The following MYO5A variants were observed in gnomAD, a reference collection of about 807,000 sequenced individuals.
MYO5A encodes the protein unconventional myosin-Va.
A neutral mutation model predicts 249.7 loss-of-function variants in MYO5A; 98 were observed. That is an observed-to-expected ratio of 0.39 (90% confidence interval 0.33 to 0.46). The LOEUF (loss-of-function observed/expected upper bound fraction) is 0.46. Ranked by LOEUF, MYO5A falls within the 20% of genes least tolerant of loss-of-function variation. The pLI, the probability that MYO5A is intolerant of heterozygous loss-of-function variation, is 0.98. For synonymous variants in MYO5A, 778 were observed against 810.6 expected (o/e 0.96, Z 0.68); for missense variants, 1,696 against 2,308.8 (o/e 0.73, Z 5.44).
Position 52,360,030 on chromosome 15 carries a change from C to T in MYO5A, c.3361G>A (p.Glu1121Lys), listed in dbSNP as rs770697352. ...KRTDSTHSSN[E>K]SEYIFSSEIA... ...TCAGAGCTAAAGATATATTCAGACTCGTTGCTGCTGTGGGTGGAGTCTGTT... is the reference window on the plus strand; with the variant it reads ...TCAGAGCTAAAGATATATTCAGACTTGTTGCTGCTGTGGGTGGAGTCTGTT... The change falls in exon 25 of 42, where the codon GAG becomes AAG. Residue 1121 changes from glutamate (E) to lysine (K), a missense_variant. Physicochemically the swap from Glu to Lys is moderately conservative, Grantham distance 56. Transcript: ENST00000399233. 3 of 1,613,810 alleles carry T rather than the reference C, an allele frequency of 1.9e-6. No individual in the cohort carries two copies. The highest frequency in any genetic ancestry group is 3.3e-5 in the Admixed American group (2 of 60,006).
At chr15:52,518,588 T>G (rs9788777) in intron 1 of MYO5A, among the ~76,000 whole-genome samples, 22,838 of 152,264 alleles carry the variant, frequency 0.15, 1,828 homozygotes, top group Middle Eastern at 0.22. Context: ...TTTCTAAGCT[T>G]AAGCATAGAG....
At chr15:52,417,733 C>G (rs1386351928) in intron 4 of MYO5A, among the ~76,000 whole-genome samples, 2 of 152,098 alleles carry the variant, frequency 1.3e-5, no homozygotes, top group African/African-American at 4.8e-5. Flanking sequence ...TGAGTTTAAG[C>G]TGATTTCCTC....
chr15:52,387,786 C>A, intron 14 of MYO5A, 43 bp downstream of exon 14: 1 of 1,379,998 alleles, frequency 7.2e-7, no homozygotes, highest in East Asian at 2.3e-5. Context: ...AAAGCTAATG[C>A]TTTGCATACA....
At chr15:52,319,415 C>A in intron 38 of MYO5A, 73 bp from the exon 39 acceptor site, 3 of 1,477,832 alleles carry the variant, frequency 2.0e-6, no homozygotes, top group Non-Finnish European at 2.8e-6. Flanking sequence ...TCCATGTGCA[C>A]AAACACATGC....
Position 52,443,730 on chromosome 15 carries a change from T to C in MYO5A, c.28-10445A>G, listed in dbSNP as rs575059848. Among the ~76,000 whole-genome samples, 812 of 138,352 alleles carry C rather than the reference T, an allele frequency of 5.9e-3. 11 individuals carry two copies. The highest frequency in any genetic ancestry group is 0.021 in the African/African-American group (779 of 37,182). 90.8% of individuals were successfully genotyped at this position (138,352 alleles called of 152,430 possible). A position where few individuals can be genotyped will look rare whatever the true frequency, so the allele number is the denominator to read the frequency against. On this transcript the variant is annotated intron_variant, in intron 1 of 41. Coordinates refer to ENST00000399233, the MANE Select transcript of MYO5A (RefSeq NM_001382347.1). The stretch of plus-strand genomic sequence containing the variant: ...CTCAAAAAAAAAAAAAAAAAGTAAA[T>C]CACACTTTGGGAGGCCGAGGCGGGT...
chr15:52,432,917 A>C (rs2141306134), intron 2 of MYO5A, among the ~76,000 whole-genome samples: 1 of 152,350 alleles, frequency 6.6e-6, no homozygotes, highest in Non-Finnish European at 1.5e-5. Flanking sequence ...TTAGATGTGA[A>C]TCTAAACCTG....
At chr15:52,415,707 G>A (rs796563594) in intron 5 of MYO5A, among the ~76,000 whole-genome samples, 3 of 152,278 alleles carry the variant, frequency 2.0e-5, no homozygotes, top group African/African-American at 7.2e-5. Context: ...TATGGGCAAA[G>A]GAATAAGGAA....
rs571805398 is a variant in MYO5A, at chr15:52,368,157, T to G, written c.3067-1033A>C. ...CAAATCTCTTGTCATGTCAGGGGGT[T>G]TAGGACAGGAAAAGAGGGCTCCAGG... On this transcript the variant is annotated intron_variant, in intron 22 of 41. Transcript: ENST00000399233. Among the ~76,000 whole-genome samples the G allele has an allele frequency of 2.0e-5, 3 of 152,172 alleles. No individual in the cohort carries two copies. In the East Asian group the frequency reaches 5.8e-4, roughly 29 times the overall value.
chr15:52,388,597 A>G (rs967637404), intron 13 of MYO5A, among the ~76,000 whole-genome samples: 6 of 152,192 alleles, frequency 3.9e-5, no homozygotes, highest in South Asian at 2.1e-4. Flanking sequence ...CTTACCCCAA[A>G]GCCTACATCA....
intron 1 of MYO5A, among the ~76,000 whole-genome samples, chr15:52,461,560 A>G (rs1178167915): frequency 6.6e-6 from 1 of 152,212 alleles, no homozygotes; most frequent in East Asian, 1.9e-4. Context: ...AACATGAGTA[A>G]GCATGAAGGG....
At chr15:52,319,676 A>T (rs977028981) in intron 38 of MYO5A, among the ~76,000 whole-genome samples, 1 of 152,158 alleles carries the variant, frequency 6.6e-6, no homozygotes, top group African/African-American at 2.4e-5. Flanking sequence ...GGCTGCAGTG[A>T]GCTGAGACCA....
At chr15:52,461,745 G>A (rs931516292) in intron 1 of MYO5A, among the ~76,000 whole-genome samples, 4 of 151,944 alleles carry the variant, frequency 2.6e-5, no homozygotes, top group South Asian at 2.1e-4. Flanking sequence ...GGCAGATCGC[G>A]AGGTGAGGAG....
At chr15:52,334,420 T>A (rs1245655345) in intron 34 of MYO5A, among the ~76,000 whole-genome samples, 2 of 152,168 alleles carry the variant, frequency 1.3e-5, no homozygotes, top group Non-Finnish European at 2.9e-5. Flanking sequence ...GAATAAAGAT[T>A]TTTAAGTTCT....
Position 52,407,361 on chromosome 15 carries a change from T to C in MYO5A, c.877A>G (p.Ser293Gly), listed in dbSNP as rs746511998. Residue 293 changes from serine (S) to glycine (G), a missense_variant, in exon 8 of 42, where the codon AGT becomes GGT. By Grantham distance (56) the Ser-to-Gly change is moderately conservative. This residue lies in a region of MYO5A where 185 missense variants were observed against 204.8 expected (regional missense o/e 0.90). Coordinates refer to ENST00000399233, the MANE Select transcript of MYO5A (RefSeq NM_001382347.1). Reference protein sequence around the residue: ...DNFNYTKQGGSPVIEGVDDAK... With the variant: ...DNFNYTKQGGGPVIEGVDDAK... ...TCATCCACTCCTTCAATCACAGGAC[T>C]GCCTCCTTGTTTTGTGTAATTAAAG... The C allele has an allele frequency of 6.2e-6, 10 of 1,613,584 alleles. No individual in the cohort carries two copies. In the East Asian group the frequency reaches 1.3e-4, roughly 22 times the overall value.
intron 1 of MYO5A, among the ~76,000 whole-genome samples, chr15:52,508,487 A>G (rs2141610096): frequency 6.6e-6 from 1 of 152,162 alleles, no homozygotes; most frequent in East Asian, 1.9e-4. Flanking sequence ...ATATACATCT[A>G]TATTAGTCCT....
At chr15:52,481,405 G>A (rs1031165644) in intron 1 of MYO5A, among the ~76,000 whole-genome samples, 3 of 152,186 alleles carry the variant, frequency 2.0e-5, no homozygotes, top group Non-Finnish European at 2.9e-5. Flanking sequence ...TTCATACACT[G>A]TTCTAAGAAT....
chr15:52,330,509 A>G lies in MYO5A; in HGVS notation c.4409-10T>C, dbSNP rs1233776126. Reference sequence around the variant, plus strand: ...TTCTCCATCTGGCCCACTTTATGAGAAGTAAGAAAGGAGGAGAAAATGTTT... The same window carrying G: ...TTCTCCATCTGGCCCACTTTATGAGGAGTAAGAAAGGAGGAGAAAATGTTT... On this transcript the variant is annotated splice_polypyrimidine_tract_variant and intron_variant, in intron 34 of 41. Coordinates refer to ENST00000399233, the MANE Select transcript of MYO5A (RefSeq NM_001382347.1). The G allele has an allele frequency of 6.2e-7, 1 of 1,613,968 alleles. No individual in the cohort carries two copies. Among genetic ancestry groups the G allele is most frequent in the South Asian group, 1.1e-5 (1 of 91,074 alleles).
At chr15:52,359,891 G>T in intron 25 of MYO5A, 77 bp downstream of exon 25, 1 of 1,012,554 alleles carries the variant, frequency 9.9e-7, no homozygotes, top group Non-Finnish European at 1.5e-6. Context: ...ATTGGAGTCT[G>T]CTTTGCAATG....
Position 52,416,286 on chromosome 15 carries a change from C to G in MYO5A, c.471G>C (p.Gln157His). ...YKQMARDERN[Q>H]SIIVSGESGA... Reference sequence around the variant, plus strand: ...CAGACTCTCCACTTACGATGATGGACTGATTTCGTTCATCTCTGTAAAATA... The same window carrying G: ...CAGACTCTCCACTTACGATGATGGAGTGATTTCGTTCATCTCTGTAAAATA... The change falls in exon 5 of 42, where the codon CAG becomes CAC. Residue 157 changes from glutamine (Q) to histidine (H), a missense_variant. Physicochemically the swap from Gln to His is conservative, Grantham distance 24. Around this residue, in one of 5 missense-constraint regions of MYO5A, gnomAD observed 197 missense variants for 320.3 expected, o/e 0.62. Transcript: ENST00000399233. 1 of 1,613,924 alleles carries G rather than the reference C, an allele frequency of 6.2e-7. No individual in the cohort carries two copies. The highest frequency in any genetic ancestry group is 8.5e-7 in the Non-Finnish European group (1 of 1,179,930).
Sources: gnomAD v4.1 joint callset for allele counts (sites outside exome capture counted in the v4.1 genomes callset) on GRCh38, gnomAD v4.1.1 for gene constraint, gnomAD v4.1.1 regional missense constraint, MANE v1.5 for transcripts, NCBI Gene and HGNC (gene_info 2026-07-23, HGNC 2026-07-21) for gene names.